The following EYS variants were observed in gnomAD, a reference collection of about 807,000 sequenced individuals.
The protein encoded by EYS is protein eyes shut homolog.
A neutral mutation model predicts 282.1 loss-of-function variants in EYS; 250 were observed. That is an observed-to-expected ratio of 0.89 (90% confidence interval 0.80 to 0.98). The LOEUF (loss-of-function observed/expected upper bound fraction) is 0.98. Ranked by LOEUF, EYS falls within the 50% of genes least tolerant of loss-of-function variation. The pLI is 0.00. For synonymous variants in EYS, 1,355 were observed against 1,282.9 expected (o/e 1.06, Z -1.20); for missense variants, 4,016 against 3,709.0 (o/e 1.08, Z -2.15).
chr6:64,709,869 C>A (rs1583067045), intron 22 of EYS, among the ~76,000 whole-genome samples: 1 of 152,228 alleles, frequency 6.6e-6, no homozygotes, highest in East Asian at 1.9e-4. Context: ...GGCATATTTT[C>A]AAAATATTTT....
intron 22 of EYS, among the ~76,000 whole-genome samples, chr6:64,676,419 T>C (rs1157115725): frequency 1.3e-5 from 2 of 150,302 alleles, no homozygotes; most frequent in Admixed American, 1.3e-4. Context: ...TACTCAAAAA[T>C]TGACACTTTA....
intron 41 of EYS, among the ~76,000 whole-genome samples, chr6:63,751,848 C>A (rs75543488): frequency 2.0e-5 from 3 of 152,296 alleles, no homozygotes; most frequent in African/African-American, 7.2e-5. Flanking sequence ...AACAACTCTA[C>A]TTAACAGTTT....
chr6:65,005,785 C>T (rs981746784), intron 13 of EYS, among the ~76,000 whole-genome samples: 6 of 119,036 alleles, frequency 5.0e-5, no homozygotes, highest in African/African-American at 1.0e-4. Flanking sequence ...GCAGCTGTCC[C>T]GAACTCCCGG....
chr6:63,894,808 C>T (rs1248223003), intron 35 of EYS, among the ~76,000 whole-genome samples: 41 of 152,062 alleles, frequency 2.7e-4, no homozygotes, highest in Admixed American at 2.7e-3. Flanking sequence ...AGGATGGTCT[C>T]GATCTCCTGA....
rs1400133009 is a variant in EYS at position 64,590,929 on chromosome 6, T to A, written c.4938A>T (p.Glu1646Asp). ...AATTACTTGATAGGGTAATGGATTC[T>A]TCCAAGGATGAGGATAAAATTGTTC... ...AKRTILSSSL[E>D]ESITLSSNLD... The change falls in exon 26 of 43, where the codon GAA (glutamate) becomes GAT (aspartate). Residue 1646 changes from glutamate (E) to aspartate (D), a missense_variant. Physicochemically the swap from Glu to Asp is conservative, Grantham distance 45. Coordinates refer to ENST00000503581, the MANE Select transcript of EYS (RefSeq NM_001142800.2). 1 of 1,550,856 alleles carries A rather than the reference T, an allele frequency of 6.4e-7. No homozygotes were observed. The highest frequency in any genetic ancestry group is 2.0e-5 in the Admixed American group (1 of 50,972).
intron 12 of EYS, among the ~76,000 whole-genome samples, chr6:65,065,446 G>A (rs35054082): frequency 2.0e-5 from 3 of 150,380 alleles, no homozygotes; most frequent in East Asian, 1.9e-4. Context: ...GCAGTGGCGC[G>A]ATCTCTGCTC....
chr6:65,541,302 T>C (rs2127321211), intron 2 of EYS, among the ~76,000 whole-genome samples: 1 of 152,326 alleles, frequency 6.6e-6, no homozygotes, highest in South Asian at 2.1e-4. Flanking sequence ...GTATAACCAC[T>C]GATGAGTAAG....
intron 10 of EYS, 46 bp from the exon 11 acceptor site, chr6:65,335,192 A>G (rs370023427): frequency 7.9e-7 from 1 of 1,269,638 alleles, no homozygotes; most frequent in Non-Finnish European, 1.1e-6. Flanking sequence ...CCCATCACTT[A>G]CTACAATATT....
At chr6:64,313,177 G>A (rs1391609536) in intron 29 of EYS, among the ~76,000 whole-genome samples, 1 of 152,178 alleles carries the variant, frequency 6.6e-6, no homozygotes, top group African/African-American at 2.4e-5. Context: ...CCAGTTTAGA[G>A]AAGAACATAA....
At chr6:65,233,721 T>C (rs1043783083) in intron 12 of EYS, among the ~76,000 whole-genome samples, 1 of 152,166 alleles carries the variant, frequency 6.6e-6, no homozygotes, top group Admixed American at 6.6e-5. Flanking sequence ...AGGATAAGTG[T>C]TATTTTATCT....
chr6:64,530,010 A>G (rs777095740), intron 26 of EYS, among the ~76,000 whole-genome samples: 13 of 152,188 alleles, frequency 8.5e-5, no homozygotes, highest in East Asian at 1.9e-4. Context: ...TGATGAGGAG[A>G]AGCAAGAAGT....
At chr6:64,968,447 T>A (rs1030364032) in intron 14 of EYS, among the ~76,000 whole-genome samples, 1 of 152,246 alleles carries the variant, frequency 6.6e-6, no homozygotes, top group Non-Finnish European at 1.5e-5. Context: ...AAATTAAATT[T>A]TAAAATGTTT....
intron 5 of EYS, among the ~76,000 whole-genome samples, chr6:65,432,210 T>C (rs965708725): frequency 6.6e-6 from 1 of 152,180 alleles, no homozygotes; most frequent in Admixed American, 6.5e-5. Flanking sequence ...GTTTTATAAA[T>C]AGGGTTTTTG....
intron 32 of EYS, among the ~76,000 whole-genome samples, chr6:64,078,040 C>T (rs552493921): frequency 6.6e-6 from 1 of 152,104 alleles, no homozygotes; most frequent in African/African-American, 2.4e-5. Flanking sequence ...TCCTTTTCAA[C>T]ATCAATTAGT....
chr6:64,019,134 C>T (rs964976335), intron 33 of EYS, among the ~76,000 whole-genome samples: 15 of 151,952 alleles, frequency 9.9e-5, no homozygotes, highest in Non-Finnish European at 1.6e-4. Flanking sequence ...TCAGGGGAAA[C>T]GGTAATGTGA....
At chr6:64,459,291 C>G (rs1775665128) in intron 26 of EYS, among the ~76,000 whole-genome samples, 1 of 152,102 alleles carries the variant, frequency 6.6e-6, no homozygotes, top group Non-Finnish European at 1.5e-5. Context: ...GAAGTCTATG[C>G]ACTATTTAAA....
chr6:65,176,084 G>A (rs1477322689), intron 12 of EYS, among the ~76,000 whole-genome samples: 7 of 151,532 alleles, frequency 4.6e-5, no homozygotes, highest in South Asian at 2.1e-4. Context: ...GTATGTGTGT[G>A]TGTGAGAGAG....
intron 12 of EYS, among the ~76,000 whole-genome samples, chr6:65,073,600 T>A (rs1400751727): frequency 2.6e-5 from 4 of 151,682 alleles, no homozygotes; most frequent in Non-Finnish European, 4.4e-5. Flanking sequence ...GAGGGCAATA[T>A]ATGAACAAAA....
intron 34 of EYS, 49 bp from the exon 35 acceptor site, chr6:63,984,652 T>C (rs1369702282): frequency 7.5e-7 from 1 of 1,332,106 alleles, no homozygotes; most frequent in Admixed American, 2.0e-5. Flanking sequence ...TGTCAGATTA[T>C]GTGGAAAAGA....
Sources: allele counts gnomAD v4.1 joint callset (sites outside exome capture counted in the v4.1 genomes callset), GRCh38; gene constraint gnomAD v4.1.1; transcripts MANE v1.5; gene names NCBI Gene and HGNC (gene_info 2026-07-23, HGNC 2026-07-21).